KY: variants seen among roughly 807,000 people sequenced by gnomAD.
The protein encoded by KY is kyphoscoliosis peptidase.
Under a neutral mutation model 76.1 loss-of-function variants are expected in KY, and 43 were observed. That is an observed-to-expected ratio of 0.57 (90% confidence interval 0.44 to 0.73). KY has a LOEUF of 0.73. Among genes scored for constraint, KY ranks in the 30% least tolerant of loss-of-function variants. The pLI, the probability that KY is intolerant of heterozygous loss-of-function variation, is 0.00. For synonymous variants in KY, 277 were observed against 326.2 expected (o/e 0.85, Z 1.63); for missense variants, 722 against 828.9 (o/e 0.87, Z 1.58).
At chr3:134,608,331 G>T in intron 10 of KY, 1 of 1,275,922 alleles carries the variant, frequency 7.8e-7, no homozygotes, top group African/African-American at 1.5e-5. Context: ...TGGCTTCTGT[G>T]ACATGCCAGG....
intron 2 of KY, among the ~76,000 whole-genome samples, chr3:134,643,859 C>T (rs1320648086): frequency 2.0e-5 from 3 of 149,840 alleles, no homozygotes; most frequent in Non-Finnish European, 4.4e-5. Flanking sequence ...CGGAGTCTCG[C>T]TCTGTCACCC....
intron 3 of KY, among the ~76,000 whole-genome samples, chr3:134,634,480 A>C (rs1964656119): frequency 6.6e-6 from 1 of 152,250 alleles, no homozygotes; most frequent in South Asian, 2.1e-4. Flanking sequence ...GTGCAAAGAC[A>C]ATTCAGTTGG....
chr3:134,646,581 A>G (rs546992754), intron 2 of KY, among the ~76,000 whole-genome samples: 1 of 152,210 alleles, frequency 6.6e-6, no homozygotes, highest in East Asian at 1.9e-4. Flanking sequence ...CACTTTTAGA[A>G]CTTCATCTTT....
Position 134,650,861 on chromosome 3 carries a change from G to A in KY, c.100C>T (p.Gln34Ter), listed in dbSNP as rs2108067072. The A allele has an allele frequency of 1.2e-6, 2 of 1,609,770 alleles. No individual in the cohort carries two copies. Among genetic ancestry groups the A allele is most frequent in the Non-Finnish European group, 1.7e-6 (2 of 1,177,790 alleles). The change falls in exon 1 of 11, where the codon CAG (glutamine) becomes TAG (stop). Residue 34 changes from glutamine (Q) to a stop codon, truncating the protein, a stop_gained. Transcript: ENST00000423778. LOFTEE classifies it high-confidence loss of function. ...RAAQGTLSDQ[Q>*]ANPSSLLQRG... is the part of the protein sequence containing the mutation. ...TGCAGCAGCGAGCTCGGGTTCGCCT[G>A]CTGGTCTGAGAGCGTACCCTGTGCG... is the stretch of plus-strand genomic sequence containing the variant.
At chr3:134,624,377 T>A (rs1033457751) in intron 6 of KY, among the ~76,000 whole-genome samples, 2 of 152,202 alleles carry the variant, frequency 1.3e-5, no homozygotes, top group Admixed American at 1.3e-4. Flanking sequence ...CACCATCCAC[T>A]CATTATTTCA....
chr3:134,632,230 T>C (rs1242521906), intron 3 of KY, among the ~76,000 whole-genome samples: 1 of 152,032 alleles, frequency 6.6e-6, no homozygotes, highest in Non-Finnish European at 1.5e-5. Context: ...AATCAGCAAA[T>C]ATATAGAAGA....
intron 4 of KY, chr3:134,628,234 C>A (rs1056046153): frequency 5.3e-6 from 1 of 187,408 alleles, no homozygotes; most frequent in Admixed American, 5.5e-5. Context: ...AAGGGGAAAG[C>A]AGTTCGTGTG....
intron 4 of KY, among the ~76,000 whole-genome samples, chr3:134,628,602 ATTT>A (rs1039948455): frequency 6.6e-6 from 1 of 152,126 alleles, no homozygotes; most frequent in African/African-American, 2.4e-5. Flanking sequence ...TCACACCTAC[ATTT>A]TTTTCCCACC....
intron 3 of KY, among the ~76,000 whole-genome samples, chr3:134,642,170 C>T (rs769906616): frequency 7.2e-5 from 11 of 152,198 alleles, no homozygotes; most frequent in Non-Finnish European, 1.5e-4. Context: ...GCTGGCCTTT[C>T]ATCACTACCT....
intron 6 of KY, among the ~76,000 whole-genome samples, chr3:134,623,792 A>G (rs1192031637): frequency 6.6e-6 from 1 of 152,092 alleles, no homozygotes; most frequent in Non-Finnish European, 1.5e-5. Flanking sequence ...CAGATAGCAC[A>G]GCTCACGCTG....
chr3:134,643,831 T>TTTC (rs1435818529), intron 2 of KY, among the ~76,000 whole-genome samples: 7 of 149,032 alleles, frequency 4.7e-5, no homozygotes, highest in Non-Finnish European at 9.0e-5. Flanking sequence ...TCCTGCTTCT[T>TTTC]TTTTTTTTTT....
chr3:134,615,350 T>G (rs1961337142), intron 8 of KY: 1 of 18,218 alleles, frequency 5.5e-5, no homozygotes, highest in African/African-American at 1.7e-4. Flanking sequence ...TTCAAGAAGC[T>G]TTTTTTTTTT....
chr3:134,620,342 C>G (rs1371968715), intron 7 of KY, among the ~76,000 whole-genome samples: 1 of 152,102 alleles, frequency 6.6e-6, no homozygotes, highest in African/African-American at 2.4e-5. Context: ...TTTAATGAAC[C>G]CTCTGGTATT....
chr3:134,606,921 C>T (rs1959281577), intron 10 of KY: 2 of 985,278 alleles, frequency 2.0e-6, no homozygotes, highest in Non-Finnish European at 2.4e-6. Context: ...CTGCTCATCT[C>T]AGTTTCCCTA....
At position 134,628,353 on chromosome 3, in the gene KY, T is replaced by C. The variant is rs1442140091; in HGVS notation, c.338-535A>G. On this transcript the variant is annotated intron_variant, in intron 4 of 10. Transcript: ENST00000423778. ...ACCGTAAAGGCAGAATTGTAGCCAATAGTTATTAGACTCCCTGGGCAAAAG... is the reference window on the plus strand; with the variant it reads ...ACCGTAAAGGCAGAATTGTAGCCAACAGTTATTAGACTCCCTGGGCAAAAG... Among the ~76,000 whole-genome samples, 5 of 152,070 alleles carry C rather than the reference T, an allele frequency of 3.3e-5. No homozygotes were observed. In the South Asian group the frequency reaches 1.0e-3, roughly 32 times the overall value.
intron 3 of KY, among the ~76,000 whole-genome samples, chr3:134,631,191 T>C (rs1964180810): frequency 6.6e-6 from 1 of 152,188 alleles, no homozygotes; most frequent in African/African-American, 2.4e-5. Flanking sequence ...TGAAAACTTC[T>C]GAAATCTGGC....
chr3:134,609,916 T>C (rs1253836667), intron 9 of KY, among the ~76,000 whole-genome samples: 1 of 152,186 alleles, frequency 6.6e-6, no homozygotes, highest in Non-Finnish European at 1.5e-5. Context: ...TCATGTGTGG[T>C]CTGGGGGCAA....
intron 10 of KY, chr3:134,608,001 C>T: frequency 5.8e-6 from 6 of 1,036,872 alleles, no homozygotes; most frequent in Non-Finnish European, 7.0e-6. Flanking sequence ...TAGGCCTGTT[C>T]TCCTCTCCCA....
At chr3:134,617,480 G>A (rs559488572) in intron 8 of KY, among the ~76,000 whole-genome samples, 6 of 152,254 alleles carry the variant, frequency 3.9e-5, no homozygotes, top group South Asian at 4.1e-4. Context: ...GTATACAATC[G>A]ATAGGATGTA....
Sources: allele counts gnomAD v4.1 joint callset (sites outside exome capture counted in the v4.1 genomes callset), GRCh38; gene constraint gnomAD v4.1.1; transcripts MANE v1.5; gene names NCBI Gene and HGNC (gene_info 2026-07-23, HGNC 2026-07-21).